Variants in CDK19 observed in about 807,000 individuals in gnomAD.
CDK19 encodes cyclin dependent kinase 19.
Under a neutral mutation model 68.3 loss-of-function variants are expected in CDK19, and 20 were observed. The observed-to-expected ratio is 0.29, with a 90% CI of 0.21 to 0.43. The LOEUF (loss-of-function observed/expected upper bound fraction) is 0.43. CDK19 is among the 20% of genes least tolerant of loss of function. The pLI, the probability that CDK19 is intolerant of heterozygous loss-of-function variation, is 1.00. For synonymous variants in CDK19, 221 were observed against 222.8 expected (o/e 0.99, Z 0.07); for missense variants, 339 against 623.5 (o/e 0.54, Z 4.86).
chr6:110,646,233 C>T, intron 4 of CDK19: 1 of 1,479,340 alleles, frequency 6.8e-7, no homozygotes, highest in Non-Finnish European at 9.0e-7. Flanking sequence ...GCAGGAGCTG[C>T]TGGCTCTGTG....
intron 2 of CDK19, among the ~76,000 whole-genome samples, chr6:110,673,931 T>G (rs1460275353): frequency 6.6e-6 from 1 of 152,076 alleles, no homozygotes; most frequent in East Asian, 1.9e-4. Context: ...AGATAGTTAC[T>G]TCGTTGCTTC....
chr6:110,804,589 G>A (rs1255390465), intron 1 of CDK19, among the ~76,000 whole-genome samples: 9 of 150,704 alleles, frequency 6.0e-5, no homozygotes, highest in African/African-American at 1.9e-4. Context: ...CTCGTGATCC[G>A]CCCACCTCGG....
intron 12 of CDK19, among the ~76,000 whole-genome samples, chr6:110,618,825 T>TC (rs61108462): frequency 1.3e-5 from 2 of 151,974 alleles, no homozygotes; most frequent in Admixed American, 1.3e-4. Flanking sequence ...AGACAGCCCC[T>TC]CCCTCTGCTA....
At chr6:110,664,652 G>C (rs1221628038) in intron 4 of CDK19, among the ~76,000 whole-genome samples, 5 of 152,194 alleles carry the variant, frequency 3.3e-5, no homozygotes, top group Non-Finnish European at 7.3e-5. Flanking sequence ...TACAGGGGCA[G>C]TAGTGTACAA....
intron 2 of CDK19, among the ~76,000 whole-genome samples, chr6:110,720,652 AG>A (rs1775795379): frequency 1.3e-5 from 2 of 152,120 alleles, no homozygotes; most frequent in Non-Finnish European, 2.9e-5. Context: ...AGATTACCTG[AG>A]GTCAGGAATT....
intron 1 of CDK19, among the ~76,000 whole-genome samples, chr6:110,773,354 A>AC (rs1309416424): frequency 4.6e-5 from 7 of 152,112 alleles, no homozygotes; most frequent in Admixed American, 1.3e-4. Flanking sequence ...AAAAAAAAAA[A>AC]AAAAACAAGT....
At chr6:110,766,034 T>C (rs1032204770) in intron 1 of CDK19, among the ~76,000 whole-genome samples, 1 of 152,128 alleles carries the variant, frequency 6.6e-6, no homozygotes, top group Non-Finnish European at 1.5e-5. Flanking sequence ...TGGAAAACAG[T>C]ATGAACATTC....
chr6:110,670,774 G>T (rs1159436047), intron 2 of CDK19: 2 of 611,174 alleles, frequency 3.3e-6, no homozygotes, highest in Non-Finnish European at 3.0e-6. Context: ...GTTTTGTTTT[G>T]TTTTACTTTC....
intron 4 of CDK19, among the ~76,000 whole-genome samples, chr6:110,654,942 C>CAAAA (rs200143899): frequency 9.1e-6 from 1 of 110,436 alleles, no homozygotes. Context: ...ACTCTGTCTC[C>CAAAA]AAAAAAAAAA....
rs953895657 is a variant in CDK19 at position 110,627,103 on chromosome 6, G to A, written c.689C>T (p.Ser230Leu). Residue 230 changes from serine to leucine, a missense_variant, in exon 7 of 13, where the codon TCG (serine) becomes TTG (leucine). Ser to Leu is a moderately radical substitution (Grantham distance 145). This residue lies in a region of CDK19 where 63 missense variants were observed against 156.5 expected (regional missense o/e 0.40). Coordinates refer to ENST00000368911, the MANE Select transcript of CDK19 (RefSeq NM_015076.5). ...IGCIFAELLTSEPIFHCRQED... is the reference protein window; with the variant it reads ...IGCIFAELLTLEPIFHCRQED... Reference sequence around the variant, plus strand: ...CTGACGACAGTGAAAAATAGGTTCCGAAGTCAACAATTCAGCAAATATACA... The same window carrying A: ...CTGACGACAGTGAAAAATAGGTTCCAAAGTCAACAATTCAGCAAATATACA... 1.2e-5 allele frequency: 19 copies of A among 1,612,038 alleles called. No homozygotes were observed. Among genetic ancestry groups the A allele is most frequent in the Non-Finnish European group, 1.4e-5 (17 of 1,178,660 alleles).
chr6:110,790,839 CAAAT>C (rs1781541152), intron 1 of CDK19, among the ~76,000 whole-genome samples: 2 of 151,992 alleles, frequency 1.3e-5, no homozygotes, highest in Non-Finnish European at 2.9e-5. Flanking sequence ...ACTGGTTAAA[CAAAT>C]AAAGGTACAT....
intron 2 of CDK19, among the ~76,000 whole-genome samples, chr6:110,722,727 A>AT: frequency 6.6e-6 from 1 of 152,112 alleles, no homozygotes; most frequent in Admixed American, 6.5e-5. Flanking sequence ...TTAGCTAGGC[A>AT]TGGTGGCACA....
chr6:110,732,902 A>G (rs1281802061), intron 2 of CDK19, among the ~76,000 whole-genome samples: 1 of 152,106 alleles, frequency 6.6e-6, no homozygotes, highest in South Asian at 2.1e-4. Context: ...CCCCATCTCT[A>G]TTAAAAACAC....
rs536388026 is a variant in CDK19 at position 110,755,768 on chromosome 6, A to C, written c.129-9567T>G. On this transcript the variant is annotated intron_variant, in intron 1 of 12. Coordinates refer to ENST00000368911, the MANE Select transcript of CDK19 (RefSeq NM_015076.5). Reference sequence around the variant, plus strand: ...TTCCTGTACTATCGAAAGCCATCAGAGGTTTTCCAGCAAGAGAAACATGAT... The same window carrying C: ...TTCCTGTACTATCGAAAGCCATCAGCGGTTTTCCAGCAAGAGAAACATGAT... Among the ~76,000 whole-genome samples the C allele has an allele frequency of 2.0e-5, 3 of 152,318 alleles. No individual in the cohort carries two copies. In the South Asian group the frequency reaches 6.2e-4, roughly 32 times the overall value.
At chr6:110,713,984 G>A (rs1335952172) in intron 2 of CDK19, among the ~76,000 whole-genome samples, 1 of 152,144 alleles carries the variant, frequency 6.6e-6, no homozygotes, top group African/African-American at 2.4e-5. Context: ...GGAATTCAGT[G>A]ACTTCCAGTA....
rs989881588 is a variant in CDK19 at position 110,612,773 on chromosome 6, A to C, written c.*1762T>G. On this transcript the variant is annotated 3_prime_UTR_variant, in exon 13 of 13. Transcript: ENST00000368911. ...AGAAACTCCTTCCAATGGAGCACGT[A>C]ACCTGCTTCATCTTCAGTCTTGATG... The C allele has an allele frequency of 1.3e-4, 20 of 152,652 alleles. No homozygotes were observed. Among genetic ancestry groups the C allele is most frequent in the African/African-American group, 4.8e-4 (20 of 41,468 alleles). The allele number at this position is 152,652 out of a possible 1,614,324, so 9.5% of individuals were successfully genotyped here.
chr6:110,637,635 A>C (rs12660868), intron 5 of CDK19, among the ~76,000 whole-genome samples: 1 of 152,240 alleles, frequency 6.6e-6, no homozygotes, highest in Non-Finnish European at 1.5e-5. Context: ...ACACATTTTA[A>C]CATATTTCTA....
intron 1 of CDK19, among the ~76,000 whole-genome samples, chr6:110,778,522 C>T (rs111483439): frequency 8.5e-5 from 13 of 152,292 alleles, no homozygotes; most frequent in African/African-American, 3.1e-4. Flanking sequence ...AGAGTTAGTA[C>T]AGAGTTTCAA....
chr6:110,678,377 T>C (rs1562188587), intron 2 of CDK19, among the ~76,000 whole-genome samples: 1 of 152,076 alleles, frequency 6.6e-6, no homozygotes, highest in Non-Finnish European at 1.5e-5. Flanking sequence ...AAAACTGAGG[T>C]TGCGCTCTCT....
Sources: allele counts gnomAD v4.1 joint callset (sites outside exome capture counted in the v4.1 genomes callset), GRCh38; gene constraint gnomAD v4.1.1; regional missense constraint gnomAD v4.1.1; transcripts MANE v1.5; gene names NCBI Gene and HGNC (gene_info 2026-07-23, HGNC 2026-07-21).